The following NEGR1 variants were observed in gnomAD, a reference collection of about 807,000 sequenced individuals.
The protein encoded by NEGR1 is neuronal growth regulator 1.
Under a neutral mutation model 40.9 loss-of-function variants are expected in NEGR1, and 10 were observed. The observed-to-expected ratio is 0.24, with a 90% CI of 0.15 to 0.42. The LOEUF is 0.42. Among genes scored for constraint, NEGR1 ranks in the 10% least tolerant of loss-of-function variants. NEGR1 has a pLI of 1.00. For synonymous variants in NEGR1, 185 were observed against 166.8 expected (o/e 1.11, Z -0.84); for missense variants, 352 against 438.9 (o/e 0.80, Z 1.77).
intron 4 of NEGR1, among the ~76,000 whole-genome samples, chr1:71,632,042 G>A (rs565710553): frequency 6.7e-4 from 102 of 151,660 alleles, no homozygotes; most frequent in South Asian, 6.2e-4. Context: ...AGTAAATGAG[G>A]TAATTTATAT....
intron 1 of NEGR1, among the ~76,000 whole-genome samples, chr1:72,127,868 G>C (rs1046202899): frequency 2.0e-5 from 3 of 151,874 alleles, no homozygotes; most frequent in Admixed American, 1.3e-4. Flanking sequence ...TGAAAGAGAA[G>C]ACAGAAGTAA....
At chr1:71,836,910 GGAGGAAGCAAGA>G (rs1659053577) in intron 2 of NEGR1, 1 of 151,982 alleles carries the variant, frequency 6.6e-6, no homozygotes. Context: ...AGGAAGAGAA[GGAGGAAGCAAGA>G]GAGGAAGGAC....
At chr1:71,653,077 T>A (rs1651769284) in intron 4 of NEGR1, among the ~76,000 whole-genome samples, 1 of 151,630 alleles carries the variant, frequency 6.6e-6, no homozygotes, top group African/African-American at 2.4e-5. Flanking sequence ...CTGACTTAGT[T>A]AATGCTTACA....
At chr1:72,147,519 C>T (rs945269459) in intron 1 of NEGR1, among the ~76,000 whole-genome samples, 6 of 152,102 alleles carry the variant, frequency 3.9e-5, no homozygotes, top group African/African-American at 1.4e-4. Flanking sequence ...GGTGGGGACA[C>T]AGGCAAACCA....
intron 1 of NEGR1, among the ~76,000 whole-genome samples, chr1:71,953,636 CAGAA>C (rs560330752): frequency 6.1e-4 from 93 of 151,994 alleles, no homozygotes; most frequent in Non-Finnish European, 1.1e-3. Context: ...TCTTTCATGT[CAGAA>C]AGAGTCAATC....
intron 2 of NEGR1, among the ~76,000 whole-genome samples, chr1:71,860,278 C>G (rs1339118288): frequency 6.6e-6 from 1 of 151,594 alleles, no homozygotes; most frequent in Non-Finnish European, 1.5e-5. Flanking sequence ...TATAGCATTT[C>G]TGAGAACATA....
In NEGR1 at chr1:71,857,035, G is replaced by A. The variant is rs371937430; in HGVS notation, c.409+78044C>T. Among the ~76,000 whole-genome samples, 56 of 152,048 alleles carry A rather than the reference G, an allele frequency of 3.7e-4. 1 individual carries two copies. In the South Asian group the frequency reaches 7.5e-3, roughly 20 times the overall value. On this transcript the variant is annotated intron_variant, in intron 2 of 6. Transcript: ENST00000357731. ...CAGGTGTCCCAGACTTAGTTTCCTT[G>A]TATGTAAAATGAAAAGAGCAAATGA...
rs148919591 is a variant in NEGR1 at position 72,203,316 on chromosome 1, T to C, written c.176+79003A>G. Among the ~76,000 whole-genome samples, 1,175 of 152,140 alleles carry C rather than the reference T, an allele frequency of 7.7e-3. 11 individuals carry two copies. The highest frequency in any genetic ancestry group is 0.026 in the African/African-American group (1,082 of 41,552). ...GTGTGAACAGGAGTTTGGAAGAAGT[T>C]GTCTCCAACTCTTATGGGTGACTTT... is the stretch of plus-strand genomic sequence containing the variant. On this transcript the variant is annotated intron_variant, in intron 1 of 6. Coordinates refer to ENST00000357731, the MANE Select transcript of NEGR1 (RefSeq NM_173808.3).
intron 6 of NEGR1, among the ~76,000 whole-genome samples, chr1:71,506,871 G>A (rs892786245): frequency 4.6e-5 from 7 of 152,152 alleles, no homozygotes; most frequent in South Asian, 2.1e-4. Flanking sequence ...CACTGTTTAC[G>A]TGGGAAAGGT....
intron 4 of NEGR1, among the ~76,000 whole-genome samples, chr1:71,621,141 T>C (rs755001943): frequency 5.3e-5 from 8 of 151,876 alleles, no homozygotes; most frequent in Admixed American, 2.0e-4. Context: ...TTTTTAAAAA[T>C]TCATTGCCTT....
intron 4 of NEGR1, among the ~76,000 whole-genome samples, chr1:71,643,690 C>G (rs973053211): frequency 4.6e-5 from 7 of 151,966 alleles, no homozygotes; most frequent in African/African-American, 1.7e-4. Flanking sequence ...AACTTGTAAA[C>G]TCTAAACTTC....
intron 6 of NEGR1, among the ~76,000 whole-genome samples, chr1:71,586,639 C>T (rs1191696669): frequency 6.6e-6 from 1 of 152,144 alleles, no homozygotes; most frequent in Non-Finnish European, 1.5e-5. Flanking sequence ...GTCACTCTGA[C>T]TGCTTCAGCC....
At position 72,262,664 on chromosome 1, in the gene NEGR1, C is replaced by A. The variant is rs7551287; in HGVS notation, c.176+19655G>T. On this transcript the variant is annotated intron_variant, in intron 1 of 6. Coordinates refer to ENST00000357731, the MANE Select transcript of NEGR1 (RefSeq NM_173808.3). ...AAAAAGCAAAGAGGTTTATAAATAT[C>A]AAATTATCATTTAAATGTATCTCCA... Among the ~76,000 whole-genome samples, 1,422 of 151,800 alleles carry A rather than the reference C, an allele frequency of 9.4e-3. 30 individuals carry two copies. Among genetic ancestry groups the A allele is most frequent in the African/African-American group, 0.033 (1,358 of 41,410 alleles).
intron 2 of NEGR1, among the ~76,000 whole-genome samples, chr1:71,912,314 C>T (rs1039276236): frequency 1.3e-5 from 2 of 152,158 alleles, no homozygotes; most frequent in African/African-American, 4.8e-5. Context: ...GTCCTTCCCA[C>T]ATCTCATAAC....
chr1:71,984,741 T>C (rs1395027754), intron 1 of NEGR1, among the ~76,000 whole-genome samples: 1 of 152,116 alleles, frequency 6.6e-6, no homozygotes, highest in African/African-American at 2.4e-5. Flanking sequence ...TATCTTAATA[T>C]TATTTTTCAG....
intron 3 of NEGR1, among the ~76,000 whole-genome samples, chr1:71,723,160 T>C (rs137946779): frequency 1.3e-5 from 2 of 152,280 alleles, no homozygotes; most frequent in East Asian, 3.9e-4. Flanking sequence ...TGGTTGTGAT[T>C]GCTGTTGTTT....
At chr1:72,102,669 A>G (rs1298433673) in intron 1 of NEGR1, among the ~76,000 whole-genome samples, 1 of 152,150 alleles carries the variant, frequency 6.6e-6, no homozygotes. Context: ...CATCTTATTA[A>G]GGTAACAAAC....
intron 6 of NEGR1, among the ~76,000 whole-genome samples, chr1:71,557,960 T>C (rs1477039010): frequency 6.6e-6 from 1 of 151,572 alleles, no homozygotes; most frequent in Admixed American, 6.6e-5. Flanking sequence ...GTTGGATTTT[T>C]GCAGAAAGCC....
chr1:71,465,341 T>C (rs1646738504), intron 6 of NEGR1, among the ~76,000 whole-genome samples: 1 of 152,096 alleles, frequency 6.6e-6, no homozygotes, highest in Non-Finnish European at 1.5e-5. Context: ...GGCTGCTAAC[T>C]TGATTCTAAG....
Sources: allele counts gnomAD v4.1 joint callset (sites outside exome capture counted in the v4.1 genomes callset), GRCh38; gene constraint gnomAD v4.1.1; transcripts MANE v1.5; gene names NCBI Gene and HGNC (gene_info 2026-07-23, HGNC 2026-07-21).